Variants in UBE2E2 observed in about 807,000 individuals in gnomAD.
UBE2E2 encodes the protein ubiquitin-conjugating enzyme E2 E2.
In UBE2E2, 6 loss-of-function variants were observed where a neutral mutation model predicts 24.7. The observed-to-expected ratio is 0.24, with a 90% CI of 0.13 to 0.48. UBE2E2 has a LOEUF of 0.48. Ranked by LOEUF, UBE2E2 falls within the 20% of genes least tolerant of loss-of-function variation. The pLI is 0.99. For missense variants in UBE2E2, 169 were observed against 245.0 expected (o/e 0.69, Z 2.07); for synonymous variants, 104 against 83.6 (o/e 1.24, Z -1.33).
intron 3 of UBE2E2, among the ~76,000 whole-genome samples, chr3:23,480,948 TGGC>T (rs751148905): frequency 8.5e-4 from 129 of 152,340 alleles, no homozygotes; most frequent in Non-Finnish European, 1.3e-3. Flanking sequence ...TGCATTTTGT[TGGC>T]GGTCTAGAAA....
chr3:23,324,108 AT>A (rs1694822029), intron 3 of UBE2E2, among the ~76,000 whole-genome samples: 1 of 152,076 alleles, frequency 6.6e-6, no homozygotes, highest in Non-Finnish European at 1.5e-5. Flanking sequence ...ACTACTTACT[AT>A]ATGATGTCTG....
chr3:23,288,219 G>A (rs571016014), intron 3 of UBE2E2, among the ~76,000 whole-genome samples: 1 of 152,210 alleles, frequency 6.6e-6, no homozygotes, highest in African/African-American at 2.4e-5. Context: ...CGTTTGTATA[G>A]TTTTGAAAAT....
chr3:23,333,791 GAT>G (rs1236325256), intron 3 of UBE2E2, among the ~76,000 whole-genome samples: 1 of 152,022 alleles, frequency 6.6e-6, no homozygotes, highest in East Asian at 1.9e-4. Flanking sequence ...AGATATATCT[GAT>G]ATATGTCTGA....
chr3:23,469,224 T>A (rs1698983624), intron 3 of UBE2E2, among the ~76,000 whole-genome samples: 1 of 152,198 alleles, frequency 6.6e-6, no homozygotes, highest in Admixed American at 6.5e-5. Context: ...CCAAGTTTCC[T>A]TTCATCATAT....
chr3:23,342,692 A>T (rs1221507929), intron 3 of UBE2E2, among the ~76,000 whole-genome samples: 1 of 152,200 alleles, frequency 6.6e-6, no homozygotes, highest in African/African-American at 2.4e-5. Flanking sequence ...CCAAGAATAC[A>T]TACATGTATA....
At chr3:23,389,089 A>G (rs912578136) in intron 3 of UBE2E2, among the ~76,000 whole-genome samples, 1 of 152,162 alleles carries the variant, frequency 6.6e-6, no homozygotes, top group Non-Finnish European at 1.5e-5. Context: ...TGACTTGCCT[A>G]CCCTGGTCCC....
intron 3 of UBE2E2, among the ~76,000 whole-genome samples, chr3:23,353,720 C>G (rs1476563201): frequency 6.6e-6 from 1 of 152,080 alleles, no homozygotes; most frequent in Admixed American, 6.5e-5. Context: ...CAAACCACTG[C>G]TCAATGAAAT....
At chr3:23,356,321 T>G (rs58574234) in intron 3 of UBE2E2, among the ~76,000 whole-genome samples, 5,217 of 152,308 alleles carry the variant, frequency 0.034, 318 homozygotes, top group African/African-American at 0.12. Context: ...AAATCTTTGT[T>G]GTGAAATAGA....
rs928218153 is a variant in UBE2E2 at position 23,532,124 on chromosome 3, C to T, written c.361-430C>T. Among the ~76,000 whole-genome samples, 13 of 150,702 alleles carry T rather than the reference C, an allele frequency of 8.6e-5. No homozygotes were observed. In the East Asian group the frequency reaches 2.1e-3, roughly 25 times the overall value. On this transcript the variant is annotated intron_variant, in intron 4 of 5. Coordinates refer to ENST00000396703, the MANE Select transcript of UBE2E2 (RefSeq NM_152653.4). ...AATATTTATTTTCTTTGTATTAGTA[C>T]TCTCATGCTTTTTGGTGTTTGAATA...
intron 3 of UBE2E2, among the ~76,000 whole-genome samples, chr3:23,318,098 G>T (rs1196064272): frequency 6.6e-6 from 1 of 151,968 alleles, no homozygotes; most frequent in Non-Finnish European, 1.5e-5. Flanking sequence ...ATAATTCCAA[G>T]CTTCTCTAGT....
At chr3:23,508,312 A>G (rs567439153) in intron 4 of UBE2E2, among the ~76,000 whole-genome samples, 4 of 152,320 alleles carry the variant, frequency 2.6e-5, no homozygotes, top group Non-Finnish European at 4.4e-5. Flanking sequence ...AAGAAGTAGG[A>G]TTGGGTTTTG....
At chr3:23,309,239 A>G (rs1386362689) in intron 3 of UBE2E2, among the ~76,000 whole-genome samples, 1 of 152,154 alleles carries the variant, frequency 6.6e-6, no homozygotes, top group Non-Finnish European at 1.5e-5. Flanking sequence ...TTCTCTGGAA[A>G]CATCCTCATA....
At chr3:23,537,685 G>T (rs546339310) in intron 5 of UBE2E2, among the ~76,000 whole-genome samples, 1 of 151,888 alleles carries the variant, frequency 6.6e-6, no homozygotes. Context: ...ATCACTTAAG[G>T]CCCTTTTTTT....
chr3:23,297,349 A>G (rs1244318668), intron 3 of UBE2E2, among the ~76,000 whole-genome samples: 2 of 151,706 alleles, frequency 1.3e-5, no homozygotes, highest in Middle Eastern at 6.8e-3. Context: ...TTTTGTTGCC[A>G]TTGCTTTTGG....
chr3:23,268,735 G>T (rs1023408057), intron 3 of UBE2E2, among the ~76,000 whole-genome samples: 5 of 148,910 alleles, frequency 3.4e-5, no homozygotes, highest in South Asian at 4.4e-4. Context: ...AAAAGAGCCC[G>T]CATTGCCAAG....
At chr3:23,233,750 TACTC>T (rs1697029217) in intron 3 of UBE2E2, among the ~76,000 whole-genome samples, 1 of 152,184 alleles carries the variant, frequency 6.6e-6, no homozygotes. Context: ...GTAGCAGACT[TACTC>T]AGTTCTTGAT....
At chr3:23,293,295 A>G (rs1698819899) in intron 3 of UBE2E2, among the ~76,000 whole-genome samples, 1 of 152,222 alleles carries the variant, frequency 6.6e-6, no homozygotes, top group African/African-American at 2.4e-5. Context: ...TGATTCTTAC[A>G]TTTAATACAT....
intron 3 of UBE2E2, among the ~76,000 whole-genome samples, chr3:23,439,894 A>G (rs1309174728): frequency 6.6e-6 from 1 of 152,040 alleles, no homozygotes; most frequent in Admixed American, 6.6e-5. Flanking sequence ...CCTACCTGAC[A>G]TCAAGATTAT....
intron 3 of UBE2E2, among the ~76,000 whole-genome samples, chr3:23,374,544 T>G (rs1025009174): frequency 2.0e-5 from 3 of 152,216 alleles, no homozygotes; most frequent in African/African-American, 7.2e-5. Context: ...TGCCTTAATC[T>G]AGGACATAAA....
Sources: gnomAD v4.1 joint callset for allele counts (sites outside exome capture counted in the v4.1 genomes callset) on GRCh38, gnomAD v4.1.1 for gene constraint, MANE v1.5 for transcripts, NCBI Gene and HGNC (gene_info 2026-07-23, HGNC 2026-07-21) for gene names.